Variants in NBPF8 observed in about 807,000 individuals in gnomAD.
NBPF8 encodes NBPF family member NBPF8.
intron 11 of NBPF8, among the ~76,000 whole-genome samples, chr1:120,450,759 C>T (rs1381016100): frequency 6.6e-6 from 1 of 152,042 alleles, no homozygotes; most frequent in Non-Finnish European, 1.5e-5. Context: ...CTTGAAATTC[C>T]CAGTGAAAGG....
rs1440488364 is a variant in NBPF8, at chr1:120,428,124, C to T, written n.510+277C>T. Among the ~76,000 whole-genome samples the T allele has an allele frequency of 9.9e-5, 15 of 151,928 alleles. No homozygotes were observed. The South Asian group carries it at 2.9e-3, about 29-fold the overall frequency. The stretch of plus-strand genomic sequence containing the variant: ...GCCTTGTTTCCTTTTTAAGATGATA[C>T]GGTTTATAATATGCAAATTTGTTGT... On this transcript the variant is annotated intron_variant and non_coding_transcript_variant, in intron 3 of 28. Transcript: ENST00000652355.
At chr1:120,464,900 A>G (rs1570947074) in intron 23 of NBPF8, among the ~76,000 whole-genome samples, 1 of 59,646 alleles carries the variant, frequency 1.7e-5, no homozygotes, top group African/African-American at 6.2e-5. Context: ...CCTCACAACC[A>G]TGAACAATCT....
intron 3 of NBPF8, among the ~76,000 whole-genome samples, chr1:120,429,448 A>T (rs1660812559): frequency 6.6e-6 from 1 of 152,022 alleles, no homozygotes; most frequent in Non-Finnish European, 1.5e-5. Context: ...ATGGCGGGAG[A>T]TGCTGCATGG....
upstream of NBPF8, among the ~76,000 whole-genome samples, chr1:120,435,643 C>T (rs1302502592): frequency 6.7e-6 from 1 of 149,446 alleles, no homozygotes. Context: ...GAGATCGAGA[C>T]CATCGTGGCT....
rs1262255636 is a variant in NBPF8 at position 120,462,745 on chromosome 1, G to T, written n.3062-49G>T. ...CCATGAAATCTAGCTGGGGCTGTGT[G>T]GTTTCTGATTCCCCCTGGCTTATTC... On this transcript the variant is annotated intron_variant and non_coding_transcript_variant, in intron 20 of 24. Coordinates refer to ENST00000583271, the Ensembl canonical transcript of NBPF8. 1,216 of 229,528 alleles carry T rather than the reference G, an allele frequency of 5.3e-3. 47 individuals are homozygous for T. The African/African-American group carries it at 0.11, about 21-fold the overall frequency. The allele number at this position is 229,528 out of a possible 1,614,324, so 14.2% of individuals were successfully genotyped here. A position where few individuals can be genotyped will look rare whatever the true frequency, so the allele number is the denominator to read the frequency against.
chr1:120,434,666 G>T (rs1203044450), upstream of NBPF8, among the ~76,000 whole-genome samples: 4 of 150,674 alleles, frequency 2.7e-5, no homozygotes, highest in African/African-American at 9.8e-5. Context: ...GGAAATGAAA[G>T]ACTTTTAAGT....
intron 17 of NBPF8, among the ~76,000 whole-genome samples, chr1:120,460,324 T>C (rs1661544586): frequency 6.6e-6 from 1 of 152,156 alleles, no homozygotes; most frequent in South Asian, 2.1e-4. Context: ...TTTGTGTACA[T>C]AAACCTAGGA....
chr1:120,428,804 C>T lies in NBPF8; in HGVS notation n.510+957C>T, dbSNP rs1243793803. Among the ~76,000 whole-genome samples, 230 of 150,472 alleles carry T rather than the reference C, an allele frequency of 1.5e-3. 3 individuals are homozygous for T. The Middle Eastern group carries it at 0.021, about 13-fold the overall frequency. On this transcript the variant is annotated intron_variant and non_coding_transcript_variant, in intron 3 of 28. Transcript: ENST00000652355. ...GTACCAGCCCCAATGCCATGTAGCACTTTATGTCAAATTAGAAAGGCATGA... is the reference window on the plus strand; with the variant it reads ...GTACCAGCCCCAATGCCATGTAGCATTTTATGTCAAATTAGAAAGGCATGA...
chr1:120,460,756 C>T lies in NBPF8; in HGVS notation n.2836+132C>T, dbSNP rs1661561442. The T allele has an allele frequency of 6.3e-5, 60 of 952,414 alleles. 5 individuals are homozygous for T. In the South Asian group the frequency reaches 7.7e-4, roughly 12 times the overall value. The allele number at this position is 952,414 out of a possible 1,614,324, so 59.0% of individuals were successfully genotyped here. ...AGTCTGAATTACGCCTACTACATTG[C>T]TTTTTGGTTCTCATTAGAGTAAATG... is the stretch of plus-strand genomic sequence containing the variant. On this transcript the variant is annotated intron_variant and non_coding_transcript_variant, in intron 18 of 24. Coordinates refer to ENST00000583271, the Ensembl canonical transcript of NBPF8.
Position 120,450,278 on chromosome 1 carries a change from G to T in NBPF8, n.1971+876G>T, listed in dbSNP as rs1381485365. On this transcript the variant is annotated intron_variant and non_coding_transcript_variant, in intron 11 of 24. Coordinates refer to ENST00000583271, the Ensembl canonical transcript of NBPF8. ...AAATAAGAATAAAAAGCAGAGAGTA[G>T]CTTGGTGAGAGTGAAGTCCTGCTTC... 3.3e-5 allele frequency among the ~76,000 whole-genome samples: 5 copies of T among 152,120 alleles called. No homozygotes were observed. The East Asian group carries it at 7.7e-4, about 23-fold the overall frequency.
At chr1:120,462,042 C>T in intron 19 of NBPF8, 104 bp from the exon 18 acceptor site, 1 of 318,872 alleles carries the variant, frequency 3.1e-6, no homozygotes. Flanking sequence ...GTCCTATTCT[C>T]ATGCTGAGGA....
intron 11 of NBPF8, among the ~76,000 whole-genome samples, chr1:120,450,455 C>A (rs2101674568): frequency 6.6e-6 from 1 of 152,172 alleles, no homozygotes; most frequent in South Asian, 2.1e-4. Context: ...GTTTCCTCAC[C>A]TGTTCAGAGG....
upstream of NBPF8, among the ~76,000 whole-genome samples, chr1:120,418,575 G>A (rs1190669363): frequency 1.3e-5 from 2 of 150,688 alleles, no homozygotes; most frequent in Non-Finnish European, 2.9e-5. Context: ...TCTTGAGACA[G>A]TGTCTCGCTC....
chr1:120,431,359 A>AATAT (rs869036983), upstream of NBPF8, among the ~76,000 whole-genome samples: 317 of 41,970 alleles, frequency 7.6e-3, 1 homozygote, highest in Middle Eastern at 0.016. Flanking sequence ...CCAAATAGGG[A>AATAT]ATATATATAT....
At chr1:120,424,684 G>A (rs1446314797) in intron 1 of NBPF8, among the ~76,000 whole-genome samples, 1 of 147,744 alleles carries the variant, frequency 6.8e-6, no homozygotes, top group East Asian at 2.0e-4. Flanking sequence ...TTGACCTCAA[G>A]TGATCCACCT....
At chr1:120,459,893 T>C (rs1365999108) in intron 17 of NBPF8, among the ~76,000 whole-genome samples, 2 of 151,894 alleles carry the variant, frequency 1.3e-5, no homozygotes, top group Non-Finnish European at 2.9e-5. Flanking sequence ...CAAAATTCCT[T>C]ATGAGTTTTG....
At chr1:120,431,393 TATATATA>T (rs1660873995), upstream of NBPF8, among the ~76,000 whole-genome samples, 2 of 58,982 alleles carry the variant, frequency 3.4e-5, no homozygotes, top group Non-Finnish European at 7.4e-5. Context: ...TATATATATA[TATATATA>T]TACAGACACA....
Position 120,465,381 on chromosome 1 carries a change from A to C in NBPF8, n.3568+10A>C, listed in dbSNP as rs1166032046. The C allele has an allele frequency of 1.7e-6, 1 of 602,296 alleles. No individual in the cohort carries two copies. The highest frequency in any genetic ancestry group is 2.6e-5 in the East Asian group (1 of 39,092). The allele number at this position is 602,296 out of a possible 1,614,324, so 37.3% of individuals were successfully genotyped here. A position where few individuals can be genotyped will look rare whatever the true frequency, so the allele number is the denominator to read the frequency against. On this transcript the variant is annotated intron_variant and non_coding_transcript_variant, in intron 24 of 24. Coordinates refer to ENST00000583271, the Ensembl canonical transcript of NBPF8. ...ACCCACCATGCCCCAGGTAACTTTC[A>C]GCAATTGTGGATGCTTAATTCTGTG...
chr1:120,416,005 G>A (rs1341216314), upstream of NBPF8, among the ~76,000 whole-genome samples: 2 of 152,164 alleles, frequency 1.3e-5, no homozygotes, highest in Non-Finnish European at 2.9e-5. Context: ...CTTTCAAAAA[G>A]AAGTCTTTTC....
Sources: gnomAD v4.1 joint callset for allele counts (sites outside exome capture counted in the v4.1 genomes callset) on GRCh38, gnomAD v4.1.1 for gene constraint, MANE v1.5 for transcripts, NCBI Gene and HGNC (gene_info 2026-07-23, HGNC 2026-07-21) for gene names.